ARHGAP23: variants seen among roughly 807,000 people sequenced by gnomAD.
ARHGAP23 encodes the protein rho GTPase-activating protein 23.
Under a neutral mutation model 136.3 loss-of-function variants are expected in ARHGAP23, and 34 were observed. The ratio of observed to expected loss-of-function variants is 0.25; its 90% confidence interval spans 0.19 to 0.33. ARHGAP23 has a LOEUF of 0.33. Among genes scored for constraint, ARHGAP23 ranks in the 10% least tolerant of loss-of-function variants. The pLI is 1.00. For synonymous variants in ARHGAP23, 832 were observed against 920.5 expected, an observed-to-expected ratio of 0.90 and a Z score of 1.74; for missense variants, 1,808 against 2,139.0, an observed-to-expected ratio of 0.85 and a Z score of 3.05.
upstream of ARHGAP23, among the ~76,000 whole-genome samples, chr17:38,427,187 G>A (rs1645501065): frequency 6.6e-6 from 1 of 152,234 alleles, no homozygotes; most frequent in Non-Finnish European, 1.5e-5. Flanking sequence ...ACAAGGCCAG[G>A]CATGGTGGCT....
At chr17:38,454,946 G>A (rs1054048390) in intron 1 of ARHGAP23, among the ~76,000 whole-genome samples, 14 of 152,206 alleles carry the variant, frequency 9.2e-5, no homozygotes, top group Non-Finnish European at 1.8e-4. Context: ...GGGAGTGTTT[G>A]GAAATAGATC....
chr17:38,441,130 T>C (rs2038911129), intron 1 of ARHGAP23, among the ~76,000 whole-genome samples: 1 of 152,194 alleles, frequency 6.6e-6, no homozygotes, highest in Non-Finnish European at 1.5e-5. Context: ...CCCACAGGGA[T>C]CCACCAATCA....
intron 11 of ARHGAP23, among the ~76,000 whole-genome samples, chr17:38,476,845 T>G (rs1023614199): frequency 6.6e-6 from 1 of 152,138 alleles, no homozygotes; most frequent in African/African-American, 2.4e-5. Context: ...TCCAGCTCCC[T>G]CCACACAAAT....
intron 1 of ARHGAP23, among the ~76,000 whole-genome samples, chr17:38,431,452 C>T (rs2038683657): frequency 1.3e-5 from 2 of 152,170 alleles, no homozygotes; most frequent in Admixed American, 6.5e-5. Flanking sequence ...GGGAGAGAGA[C>T]ATGAATAGGG....
At chr17:38,426,338 C>T (rs764991092), upstream of ARHGAP23, among the ~76,000 whole-genome samples, 28 of 151,726 alleles carry the variant, frequency 1.8e-4, no homozygotes, top group Non-Finnish European at 2.1e-4. Context: ...GTCAAGAGAT[C>T]GAGACCATCC....
intron 1 of ARHGAP23, among the ~76,000 whole-genome samples, chr17:38,431,635 G>T (rs1413866252): frequency 6.6e-6 from 1 of 152,344 alleles, no homozygotes; most frequent in East Asian, 1.9e-4. Context: ...GGGACATCAG[G>T]CTGAGATGGC....
chr17:38,434,668 G>T lies in ARHGAP23; in HGVS notation c.63+6120G>T, dbSNP rs369117090. Reference sequence around the variant, plus strand: ...CACGCAAGGGGCCTTAGCCCCAAGTGGGGGTGCACCTAGGCAGGGGCCGAG... The same window carrying T: ...CACGCAAGGGGCCTTAGCCCCAAGTTGGGGTGCACCTAGGCAGGGGCCGAG... On this transcript the variant is annotated intron_variant, in intron 1 of 23. Coordinates refer to ENST00000622683, the MANE Select transcript of ARHGAP23 (RefSeq NM_001199417.2). 1.2e-4 allele frequency among the ~76,000 whole-genome samples: 19 copies of T among 152,372 alleles called. No homozygotes were observed. In the East Asian group the frequency reaches 1.3e-3, roughly 11 times the overall value.
chr17:38,456,903 T>G (rs2039338073), intron 1 of ARHGAP23, among the ~76,000 whole-genome samples: 1 of 152,030 alleles, frequency 6.6e-6, no homozygotes, highest in Non-Finnish European at 1.5e-5. Context: ...TTAGTGTCTC[T>G]GAAACCTCCA....
intron 23 of ARHGAP23, among the ~76,000 whole-genome samples, chr17:38,507,281 A>ATAATAATAATAG (rs1433902874): frequency 4.0e-5 from 6 of 148,364 alleles, no homozygotes; most frequent in East Asian, 2.0e-4. Flanking sequence ...TCTCAAAATA[A>ATAATAATAATAG]TAATAATAAT....
intron 14 of ARHGAP23, among the ~76,000 whole-genome samples, chr17:38,480,317 C>G (rs2040004391): frequency 2.0e-5 from 3 of 152,166 alleles, no homozygotes; most frequent in Admixed American, 2.0e-4. Flanking sequence ...GCCTGACCAA[C>G]ATGGTGAAAC....
Position 38,485,627 on chromosome 17 carries a change from C to T in ARHGAP23, c.2908-435C>T, listed in dbSNP as rs150274335. On this transcript the variant is annotated intron_variant, in intron 16 of 23. Coordinates refer to ENST00000622683, the MANE Select transcript of ARHGAP23 (RefSeq NM_001199417.2). ...GCCTCTTTGAAGAGCGACTTTTAGG[C>T]GGGGATGAGGAGCCAGTTGTGTGGA... is the stretch of plus-strand genomic sequence containing the variant. 5.2e-3 allele frequency among the ~76,000 whole-genome samples: 794 copies of T among 152,150 alleles called. 7 individuals carry two copies. Among genetic ancestry groups the T allele is most frequent in the African/African-American group, 0.018 (751 of 41,496 alleles).
chr17:38,428,269 C>T, upstream of ARHGAP23: 1 of 239,166 alleles, frequency 4.2e-6, no homozygotes, highest in Non-Finnish European at 7.9e-6. Context: ...CTCGCCTCTG[C>T]CTCAGCCCGG....
At chr17:38,498,797 C>A in intron 22 of ARHGAP23, 1 of 660,022 alleles carries the variant, frequency 1.5e-6, no homozygotes, top group South Asian at 1.7e-5. Flanking sequence ...TTCTCATGGG[C>A]TGGCTGTGTC....
At chr17:38,440,161 G>A (rs1353613629) in intron 1 of ARHGAP23, among the ~76,000 whole-genome samples, 1 of 152,156 alleles carries the variant, frequency 6.6e-6, no homozygotes, top group African/African-American at 2.4e-5. Context: ...TGGAACTATA[G>A]GCACGCACCA....
chr17:38,419,537 G>A (rs2038498283), intron 1 of ARHGAP23: 1 of 152,100 alleles, frequency 6.6e-6, no homozygotes, highest in African/African-American at 2.4e-5. Context: ...TCCGGGCGGA[G>A]CGGGGGCTCT....
intron 1 of ARHGAP23, among the ~76,000 whole-genome samples, chr17:38,439,028 T>C (rs771351642): frequency 4.0e-5 from 6 of 151,556 alleles, no homozygotes; most frequent in Non-Finnish European, 8.8e-5. Context: ...ATACAAAAAT[T>C]AGCTGGGTGT....
At chr17:38,453,865 C>G (rs1304111988) in intron 1 of ARHGAP23, 1 of 144,524 alleles carries the variant, frequency 6.9e-6, no homozygotes, top group African/African-American at 2.5e-5. Flanking sequence ...GTCTGCCGGG[C>G]GCCTAGCAGC....
intron 1 of ARHGAP23, among the ~76,000 whole-genome samples, chr17:38,447,190 C>G (rs1160377422): frequency 2.0e-5 from 3 of 151,946 alleles, no homozygotes; most frequent in Non-Finnish European, 2.9e-5. Flanking sequence ...GCCTGTAATC[C>G]CAGCACTTCG....
In ARHGAP23 at chr17:38,437,036, C is replaced by T. The variant is rs79691980; in HGVS notation, c.63+8488C>T. 6.0e-3 allele frequency among the ~76,000 whole-genome samples: 911 copies of T among 152,132 alleles called. 13 individuals carry two copies. Among genetic ancestry groups the T allele is most frequent in the African/African-American group, 0.019 (774 of 41,488 alleles). ...TCCTTTTTGATCGATTTTCAAGTGC[C>T]GTCATAAAGGGGGTGTATAATTACA... On this transcript the variant is annotated intron_variant, in intron 1 of 23. Transcript: ENST00000622683.
Sources: allele counts gnomAD v4.1 joint callset (sites outside exome capture counted in the v4.1 genomes callset), GRCh38; gene constraint gnomAD v4.1.1; transcripts MANE v1.5; gene names NCBI Gene and HGNC (gene_info 2026-07-23, HGNC 2026-07-21).